The following NPFFR2 variants were observed in gnomAD, a reference collection of about 807,000 sequenced individuals.
NPFFR2 encodes the protein neuropeptide FF receptor 2.
Under a neutral mutation model 13.1 loss-of-function variants are expected in NPFFR2, and 15 were observed. The ratio of observed to expected loss-of-function variants is 1.15; its 90% CI spans 0.77 to 1.76. NPFFR2 has a LOEUF of 1.76. NPFFR2 is among the 40% of genes most tolerant of loss of function. The pLI, the probability that NPFFR2 is intolerant of heterozygous loss-of-function variation, is 0.00. For synonymous variants in NPFFR2, 190 were observed against 175.7 expected (o/e 1.08, Z -0.65); for missense variants, 572 against 503.5 (o/e 1.14, Z -1.30).
At chr4:72,075,940 ATC>A (rs370853773) in intron 1 of NPFFR2, among the ~76,000 whole-genome samples, 163 of 144,130 alleles carry the variant, frequency 1.1e-3, no homozygotes, top group East Asian at 4.3e-3. Context: ...AAGTAAATCA[ATC>A]TCTCTCTCTC....
At chr4:72,139,141 G>T (rs1174234306) in intron 3 of NPFFR2, among the ~76,000 whole-genome samples, 1 of 151,998 alleles carries the variant, frequency 6.6e-6, no homozygotes, top group Non-Finnish European at 1.5e-5. Context: ...TAAGTTCTTT[G>T]TAGATTCTGG....
chr4:72,038,905 C>CTTTTTTTTTTTTTTTTTTTTTTTT (rs1158358179), intron 1 of NPFFR2, among the ~76,000 whole-genome samples: 1 of 84,738 alleles, frequency 1.2e-5, no homozygotes, highest in Admixed American at 1.6e-4. Flanking sequence ...AATTTCCTTT[C>CTTTTTTTTTTTTTTTTTTTTTTTT]TTTTTTTTTT....
At chr4:72,072,570 G>C (rs935465844) in intron 1 of NPFFR2, among the ~76,000 whole-genome samples, 1 of 152,092 alleles carries the variant, frequency 6.6e-6, no homozygotes, top group African/African-American at 2.4e-5. Flanking sequence ...TATGAGTCCT[G>C]TGGGACACCA....
At chr4:72,089,835 T>C (rs1720867626) in intron 1 of NPFFR2, among the ~76,000 whole-genome samples, 1 of 152,122 alleles carries the variant, frequency 6.6e-6, no homozygotes, top group Non-Finnish European at 1.5e-5. Context: ...TTAAGTCCTA[T>C]CTATTTATCT....
At chr4:72,128,247 A>G (rs1208154321) in intron 1 of NPFFR2, among the ~76,000 whole-genome samples, 1 of 86,734 alleles carries the variant, frequency 1.2e-5, no homozygotes, top group Non-Finnish European at 3.3e-5. Context: ...TTGACAGAAT[A>G]TGATACCTGG....
intron 1 of NPFFR2, among the ~76,000 whole-genome samples, chr4:72,037,320 C>T (rs185507678): frequency 6.0e-5 from 9 of 150,164 alleles, no homozygotes; most frequent in Admixed American, 4.0e-4. Context: ...GGGAGGATTG[C>T]TTGACCCCTG....
intron 1 of NPFFR2, among the ~76,000 whole-genome samples, chr4:72,110,598 T>C (rs1721537348): frequency 6.6e-6 from 1 of 152,036 alleles, no homozygotes; most frequent in Non-Finnish European, 1.5e-5. Context: ...GATGCCCTTC[T>C]GTTAGGGCAC....
chr4:72,063,291 C>CAAA (rs1719971423), intron 1 of NPFFR2, among the ~76,000 whole-genome samples: 1 of 151,738 alleles, frequency 6.6e-6, no homozygotes, highest in South Asian at 2.1e-4. Context: ...TTTTGCATGG[C>CAAA]AAAATTTTAT....
At chr4:72,051,276 G>T (rs557559845) in intron 1 of NPFFR2, among the ~76,000 whole-genome samples, 4 of 152,066 alleles carry the variant, frequency 2.6e-5, no homozygotes, top group Non-Finnish European at 4.4e-5. Flanking sequence ...TAAAAGAACA[G>T]AAATTATAAC....
At chr4:72,044,019 C>T (rs7679137) in intron 1 of NPFFR2, among the ~76,000 whole-genome samples, 135,400 of 152,168 alleles carry the variant, frequency 0.89, 61,382 homozygotes, top group Non-Finnish European at 0.98. Context: ...GCACTTACTT[C>T]CATGCTGTTC....
At chr4:72,117,629 C>T (rs966190138) in intron 1 of NPFFR2, among the ~76,000 whole-genome samples, 2 of 152,154 alleles carry the variant, frequency 1.3e-5, no homozygotes, top group Non-Finnish European at 2.9e-5. Flanking sequence ...CAGTACCTAG[C>T]ATGTTGTCAA....
chr4:72,062,682 A>G (rs1293009374), intron 1 of NPFFR2, among the ~76,000 whole-genome samples: 2 of 152,088 alleles, frequency 1.3e-5, no homozygotes, highest in African/African-American at 4.8e-5. Context: ...ATGTAATGGT[A>G]CTCCAGGTTG....
intron 1 of NPFFR2, among the ~76,000 whole-genome samples, chr4:72,097,468 C>T (rs1721106034): frequency 6.6e-6 from 1 of 152,068 alleles, no homozygotes; most frequent in Admixed American, 6.6e-5. Context: ...CATAAGGTAA[C>T]CAAGCTAATT....
At chr4:72,038,115 A>G (rs1051851786) in intron 1 of NPFFR2, among the ~76,000 whole-genome samples, 2 of 151,976 alleles carry the variant, frequency 1.3e-5, no homozygotes, top group African/African-American at 4.8e-5. Flanking sequence ...CTCAATTACA[A>G]CTTTTGCACG....
intron 1 of NPFFR2, among the ~76,000 whole-genome samples, chr4:72,113,679 A>T (rs1721629821): frequency 6.6e-6 from 1 of 152,158 alleles, no homozygotes; most frequent in Non-Finnish European, 1.5e-5. Context: ...AAGCTTTACC[A>T]GTTCTGAAAT....
intron 1 of NPFFR2, among the ~76,000 whole-genome samples, chr4:72,046,539 C>G (rs1719388325): frequency 6.6e-6 from 1 of 152,098 alleles, no homozygotes. Context: ...AATTTCTGTT[C>G]TTTATAAGTT....
At chr4:72,109,874 T>C (rs1036882798) in intron 1 of NPFFR2, among the ~76,000 whole-genome samples, 2 of 152,020 alleles carry the variant, frequency 1.3e-5, no homozygotes, top group Non-Finnish European at 2.9e-5. Flanking sequence ...GTATTGCCGT[T>C]GTTTTCCAAA....
At position 72,147,512 on chromosome 4, in the gene NPFFR2, G is replaced by A. The variant is rs1251384342; in HGVS notation, c.963G>A (p.Leu321=). 2 of 1,614,198 alleles carry A rather than the reference G, an allele frequency of 1.2e-6. No individual in the cohort carries two copies. The highest frequency in any genetic ancestry group is 1.7e-5 in the Admixed American group (1 of 60,022). ...NIYIYPFAHW[L]AFGNSSVNPI... ...ACATCTACCCTTTTGCACACTGGCT[G>A]GCATTCGGCAACAGCAGTGTCAATC... The change falls in exon 4 of 4, where the codon CTG becomes CTA. Residue 321 remains leucine (L), a synonymous_variant. Transcript: ENST00000308744.
intron 1 of NPFFR2, among the ~76,000 whole-genome samples, chr4:72,050,860 G>A (rs1262600004): frequency 1.1e-4 from 16 of 150,934 alleles, no homozygotes; most frequent in African/African-American, 2.9e-4. Context: ...GAGAATATGC[G>A]GTGTTTGGTT....
Sources: allele counts gnomAD v4.1 joint callset (sites outside exome capture counted in the v4.1 genomes callset), GRCh38; gene constraint gnomAD v4.1.1; transcripts MANE v1.5; gene names NCBI Gene and HGNC (gene_info 2026-07-23, HGNC 2026-07-21).